Variants in MSRA observed in about 807,000 individuals in gnomAD.
MSRA encodes mitochondrial peptide methionine sulfoxide reductase.
In MSRA, 54 loss-of-function variants were observed where a neutral mutation model predicts 31.3. The ratio of observed to expected loss-of-function variants is 1.73; its 90% CI spans 1.39 to 2.17. MSRA has a LOEUF of 2.17. Among genes scored for constraint, MSRA ranks in the 30% most tolerant of loss-of-function variants. MSRA has a pLI of 0.00. For synonymous variants in MSRA, 169 were observed against 116.5 expected (o/e 1.45, Z -2.90); for missense variants, 507 against 300.9 (o/e 1.69, Z -5.07).
At chr8:10,332,956 G>T (rs994006080) in intron 5 of MSRA, among the ~76,000 whole-genome samples, 3 of 152,216 alleles carry the variant, frequency 2.0e-5, no homozygotes, top group African/African-American at 7.2e-5. Flanking sequence ...TGGAGCCCCT[G>T]TGCAGATGCC....
chr8:10,189,232 A>G (rs1433924534), intron 1 of MSRA, among the ~76,000 whole-genome samples: 1 of 152,140 alleles, frequency 6.6e-6, no homozygotes, highest in Non-Finnish European at 1.5e-5. Context: ...AGCTTGGTAA[A>G]CTTTTTAGTA....
intron 1 of MSRA, among the ~76,000 whole-genome samples, chr8:10,202,428 TG>T (rs2129057757): frequency 6.6e-6 from 1 of 152,360 alleles, no homozygotes; most frequent in East Asian, 1.9e-4. Flanking sequence ...TTCAGAGGTT[TG>T]TTATCACAGT....
intron 1 of MSRA, among the ~76,000 whole-genome samples, chr8:10,122,608 G>A (rs939028360): frequency 1.3e-5 from 2 of 151,682 alleles, no homozygotes; most frequent in Non-Finnish European, 2.9e-5. Context: ...ACGGGGGTTC[G>A]TTGTACAGAT....
At chr8:10,201,422 C>T (rs753030064) in intron 1 of MSRA, among the ~76,000 whole-genome samples, 1 of 152,190 alleles carries the variant, frequency 6.6e-6, no homozygotes, top group African/African-American at 2.4e-5. Context: ...CCCAAGATGG[C>T]AGCTGCTGTT....
intron 5 of MSRA, among the ~76,000 whole-genome samples, chr8:10,365,222 T>C (rs1241661540): frequency 1.3e-5 from 2 of 149,174 alleles, no homozygotes; most frequent in Non-Finnish European, 3.0e-5. Flanking sequence ...CCCTCTGAGC[T>C]CAGAGTACTG....
chr8:10,209,332 C>A (rs116335116), intron 2 of MSRA, among the ~76,000 whole-genome samples: 1 of 152,138 alleles, frequency 6.6e-6, no homozygotes, highest in East Asian at 1.9e-4. Flanking sequence ...ATATGAGAAA[C>A]TAAGTCTTAT....
chr8:10,177,623 G>A (rs1187569663), intron 1 of MSRA, among the ~76,000 whole-genome samples: 1 of 152,202 alleles, frequency 6.6e-6, no homozygotes, highest in African/African-American at 2.4e-5. Context: ...TTTGCTACAT[G>A]TTTTGGTGAC....
intron 4 of MSRA, among the ~76,000 whole-genome samples, chr8:10,305,265 T>A (rs1801065209): frequency 6.6e-6 from 1 of 151,990 alleles, no homozygotes. Flanking sequence ...AAGCTTAGAG[T>A]CCCCTTTCAG....
chr8:10,198,315 T>A (rs1443384378), intron 1 of MSRA, among the ~76,000 whole-genome samples: 1 of 39,650 alleles, frequency 2.5e-5, no homozygotes, highest in Non-Finnish European at 4.8e-5. Context: ...TACTTTATTA[T>A]TTTTTTTTTT....
intron 2 of MSRA, among the ~76,000 whole-genome samples, chr8:10,211,499 T>C (rs1278813943): frequency 6.6e-6 from 1 of 152,134 alleles, no homozygotes; most frequent in Non-Finnish European, 1.5e-5. Flanking sequence ...TTCAAGTCAG[T>C]GGGAGCCCTC....
At chr8:10,236,859 C>A (rs1231328124) in intron 2 of MSRA, among the ~76,000 whole-genome samples, 1 of 152,122 alleles carries the variant, frequency 6.6e-6, no homozygotes, top group African/African-American at 2.4e-5. Flanking sequence ...TGCTTAAGAT[C>A]TTTATGGAGA....
At chr8:10,074,693 C>G (rs941273959) in intron 1 of MSRA, among the ~76,000 whole-genome samples, 4 of 152,076 alleles carry the variant, frequency 2.6e-5, no homozygotes, top group Admixed American at 6.5e-5. Context: ...CAGTCTTGCT[C>G]TGTTGCTGAG....
chr8:10,394,440 T>G (rs75616351), intron 5 of MSRA, among the ~76,000 whole-genome samples: 1,547 of 152,364 alleles, frequency 0.01, 31 homozygotes, highest in African/African-American at 0.035. Flanking sequence ...GAAAATCTGC[T>G]TATCACAATA....
At chr8:10,412,201 A>T (rs999467352) in intron 5 of MSRA, among the ~76,000 whole-genome samples, 9 of 152,262 alleles carry the variant, frequency 5.9e-5, no homozygotes, top group Non-Finnish European at 1.3e-4. Context: ...AGTCTGAACA[A>T]ATAATTGTAT....
intron 1 of MSRA, among the ~76,000 whole-genome samples, chr8:10,073,703 G>C (rs1049001181): frequency 6.6e-6 from 1 of 152,110 alleles, no homozygotes; most frequent in Non-Finnish European, 1.5e-5. Context: ...AGGGAGGATG[G>C]ATAGATGTAG....
chr8:10,089,721 G>A (rs1444367595), intron 1 of MSRA, among the ~76,000 whole-genome samples: 1 of 152,194 alleles, frequency 6.6e-6, no homozygotes, highest in Non-Finnish European at 1.5e-5. Context: ...CCTTTGTGCT[G>A]CATCAAAACT....
At chr8:10,175,958 T>C (rs1053276351) in intron 1 of MSRA, among the ~76,000 whole-genome samples, 1 of 152,268 alleles carries the variant, frequency 6.6e-6, no homozygotes, top group South Asian at 2.1e-4. Context: ...CATTCCATTT[T>C]ATCTTTTATC....
chr8:10,131,250 A>G (rs1481077360), intron 1 of MSRA, among the ~76,000 whole-genome samples: 1 of 152,244 alleles, frequency 6.6e-6, no homozygotes, highest in Non-Finnish European at 1.5e-5. Flanking sequence ...TGCAAAGTAT[A>G]GAAGGCAATG....
At chr8:10,283,246 T>C (rs942918774) in intron 3 of MSRA, among the ~76,000 whole-genome samples, 14 of 151,990 alleles carry the variant, frequency 9.2e-5, no homozygotes, top group Admixed American at 7.9e-4. Context: ...AGACGTTCTC[T>C]TAGATTTCAG....
Sources: allele counts gnomAD v4.1 joint callset (sites outside exome capture counted in the v4.1 genomes callset), GRCh38; gene constraint gnomAD v4.1.1; transcripts MANE v1.5; gene names NCBI Gene and HGNC (gene_info 2026-07-23, HGNC 2026-07-21).